DPH6: variants seen among roughly 807,000 people sequenced by gnomAD.
The protein encoded by DPH6 is diphthine--ammonia ligase.
A neutral mutation model predicts 38.2 loss-of-function variants in DPH6; 33 were observed. That is an observed-to-expected ratio of 0.86 (90% CI 0.65 to 1.15). The LOEUF (loss-of-function observed/expected upper bound fraction) is 1.15. DPH6 is among the 50% of genes most tolerant of loss of function. DPH6 has a pLI of 0.00. For synonymous variants in DPH6, 108 were observed against 103.0 expected, an observed-to-expected ratio of 1.05 and a Z score of -0.30; for missense variants, 325 against 320.0, an observed-to-expected ratio of 1.02 and a Z score of -0.12.
chr15:35,473,172 T>C (rs2054218533), intron 3 of DPH6, among the ~76,000 whole-genome samples: 1 of 152,154 alleles, frequency 6.6e-6, no homozygotes, highest in Non-Finnish European at 1.5e-5. Context: ...TCCAAGTTTA[T>C]ATAAACCTAA....
chr15:35,169,506 C>G, the DPH6 span: 1 of 152,136 alleles, frequency 6.6e-6, no homozygotes, highest in African/African-American at 2.4e-5. Context: ...TTTCTCATGA[C>G]TTACATGGTA....
intron 3 of DPH6, chr15:35,238,155 A>ATT: frequency 4.8e-6 from 3 of 619,610 alleles, no homozygotes; most frequent in East Asian, 6.9e-5. Flanking sequence ...CCTGAAACTT[A>ATT]TTTTTTTTTC....
At chr15:35,468,161 C>G (rs1183707314) in intron 3 of DPH6, among the ~76,000 whole-genome samples, 1 of 152,224 alleles carries the variant, frequency 6.6e-6, no homozygotes, top group Non-Finnish European at 1.5e-5. Context: ...AAGAAACTAT[C>G]TGCAAAGCAT....
intron 3 of DPH6, among the ~76,000 whole-genome samples, chr15:35,230,698 C>A (rs1172265899): frequency 6.6e-6 from 1 of 152,152 alleles, no homozygotes; most frequent in Non-Finnish European, 1.5e-5. Context: ...TTATTCAGGG[C>A]TCAAGGGATC....
rs112022179 is a variant in DPH6 at position 35,227,806 on chromosome 15, G to A, written n.201-7224C>T. On this transcript the variant is annotated intron_variant and non_coding_transcript_variant, in intron 3 of 3. Transcript: ENST00000560386. Reference sequence around the variant, plus strand: ...GTACCATTTTTGCTGTATCTCATACGTTTTGGTATGATGTATTTCCATTAC... The same window carrying A: ...GTACCATTTTTGCTGTATCTCATACATTTTGGTATGATGTATTTCCATTAC... 5.3e-5 allele frequency among the ~76,000 whole-genome samples: 8 copies of A among 151,596 alleles called. No homozygotes were observed. The East Asian group carries it at 9.7e-4, about 18-fold the overall frequency.
chr15:35,302,721 T>TGGTC (rs1322437826), intron 3 of DPH6, among the ~76,000 whole-genome samples: 1 of 152,152 alleles, frequency 6.6e-6, no homozygotes, highest in Non-Finnish European at 1.5e-5. Flanking sequence ...TTAAACCCTG[T>TGGTC]GGTCCCTTCT....
chr15:35,209,603 T>C, the DPH6 span, among the ~76,000 whole-genome samples: 5 of 152,318 alleles, frequency 3.3e-5, no homozygotes, highest in African/African-American at 7.2e-5. Context: ...GAAAGTATAA[T>C]GTGATACATG....
chr15:35,374,429 G>C (rs1048793926), intron 7 of DPH6, among the ~76,000 whole-genome samples: 1 of 151,966 alleles, frequency 6.6e-6, no homozygotes, highest in Non-Finnish European at 1.5e-5. Context: ...TCCTGACATT[G>C]ACATTTTGTC....
At chr15:35,424,996 C>T (rs11633651) in intron 5 of DPH6, among the ~76,000 whole-genome samples, 52,077 of 151,356 alleles carry the variant, frequency 0.34, 10,753 homozygotes, top group African/African-American at 0.59. Context: ...AATTCCTTAT[C>T]TGGTTCTCAT....
intron 5 of DPH6, among the ~76,000 whole-genome samples, chr15:35,415,528 A>G (rs1225891734): frequency 6.6e-6 from 1 of 152,024 alleles, no homozygotes; most frequent in African/African-American, 2.4e-5. Flanking sequence ...ATATAGAAAT[A>G]GCAGTTACAT....
downstream of DPH6, among the ~76,000 whole-genome samples, chr15:35,327,969 A>G (rs1014891752): frequency 2.0e-5 from 3 of 152,224 alleles, no homozygotes; most frequent in Non-Finnish European, 4.4e-5. Context: ...CCCTCCAGCT[A>G]TAACAGCATA....
chr15:35,442,377 A>T (rs1438914935), intron 5 of DPH6, among the ~76,000 whole-genome samples: 2 of 152,170 alleles, frequency 1.3e-5, no homozygotes, highest in African/African-American at 4.8e-5. Context: ...GAAAATAATT[A>T]ACTGTTGGCT....
chr15:35,471,088 A>G (rs1207188618), intron 3 of DPH6, among the ~76,000 whole-genome samples: 1 of 152,198 alleles, frequency 6.6e-6, no homozygotes, highest in East Asian at 1.9e-4. Flanking sequence ...TAAAATACAG[A>G]TAATATCTAG....
At chr15:35,490,166 T>C in intron 3 of DPH6, 1 of 985,322 alleles carries the variant, frequency 1.0e-6, no homozygotes, top group Non-Finnish European at 1.2e-6. Flanking sequence ...CACAGTAAAG[T>C]CTGAGATTCC....
At chr15:35,161,523 T>C in the DPH6 span, among the ~76,000 whole-genome samples, 8,791 of 152,044 alleles carry the variant, frequency 0.058, 373 homozygotes, top group East Asian at 0.23. Context: ...TGAATGTTTG[T>C]GTCTCCCCCA....
intron 3 of DPH6, among the ~76,000 whole-genome samples, chr15:35,532,112 G>GA (rs1193249909): frequency 2.6e-5 from 4 of 152,180 alleles, no homozygotes; most frequent in Admixed American, 1.3e-4. Flanking sequence ...ACTCAGACAT[G>GA]AAAAGCAATC....
chr15:35,152,564 A>C, the DPH6 span, among the ~76,000 whole-genome samples: 1 of 152,106 alleles, frequency 6.6e-6, no homozygotes, highest in South Asian at 2.1e-4. Context: ...CAATAGTGCG[A>C]TCTCCGTTCA....
intron 6 of DPH6, among the ~76,000 whole-genome samples, chr15:35,389,656 A>T (rs550530267): frequency 1.3e-5 from 2 of 151,946 alleles, no homozygotes; most frequent in South Asian, 4.1e-4. Context: ...AGAGACTAGG[A>T]TTGCAATCCC....
At chr15:35,422,081 AT>A (rs1310777211) in intron 5 of DPH6, among the ~76,000 whole-genome samples, 3 of 151,936 alleles carry the variant, frequency 2.0e-5, no homozygotes, top group Admixed American at 2.0e-4. Context: ...CTTTGAGCAA[AT>A]TAAAAGATGG....
Sources: gnomAD v4.1 joint callset for allele counts (sites outside exome capture counted in the v4.1 genomes callset) on GRCh38, gnomAD v4.1.1 for gene constraint, MANE v1.5 for transcripts, NCBI Gene and HGNC (gene_info 2026-07-23, HGNC 2026-07-21) for gene names.